MAST4: variants seen among roughly 807,000 people sequenced by gnomAD.
The protein encoded by MAST4 is microtubule-associated serine/threonine-protein kinase 4.
MAST4 carries 89 observed loss-of-function variants against 162.7 expected under a neutral mutation model. The ratio of observed to expected loss-of-function variants is 0.55; its 90% CI spans 0.46 to 0.65. MAST4 has a LOEUF of 0.65. MAST4 is among the 30% of genes least tolerant of loss of function. The pLI is 0.00. For missense variants in MAST4, 3,153 were observed against 3,374.0 expected, an observed-to-expected ratio of 0.93 and a Z score of 1.62; for synonymous variants, 1,479 against 1,361.1, an observed-to-expected ratio of 1.09 and a Z score of -1.91.
intron 4 of MAST4, among the ~76,000 whole-genome samples, chr5:66,900,320 C>A (rs1762929676): frequency 6.6e-6 from 1 of 151,904 alleles, no homozygotes; most frequent in African/African-American, 2.4e-5. Context: ...TTCTGAAATC[C>A]ATAATTTTTC....
At chr5:66,924,736 G>A (rs71594481) in intron 4 of MAST4, among the ~76,000 whole-genome samples, 18,159 of 151,942 alleles carry the variant, frequency 0.12, 1,295 homozygotes, top group Admixed American at 0.15. Flanking sequence ...TCATGTAGGT[G>A]GTCATTTTAG....
chr5:66,748,858 G>A (rs899169457), intron 1 of MAST4, among the ~76,000 whole-genome samples: 1 of 151,594 alleles, frequency 6.6e-6, no homozygotes, highest in African/African-American at 2.4e-5. Context: ...ATGACTGTCA[G>A]CAAAATCAAT....
At chr5:66,711,544 C>T (rs774607492) in intron 1 of MAST4, among the ~76,000 whole-genome samples, 9 of 152,156 alleles carry the variant, frequency 5.9e-5, no homozygotes, top group Admixed American at 3.3e-4. Flanking sequence ...CTTAGAAAGA[C>T]GCTTTTGAGG....
At chr5:66,652,038 G>A (rs1489999382) in intron 1 of MAST4, among the ~76,000 whole-genome samples, 1 of 152,112 alleles carries the variant, frequency 6.6e-6, no homozygotes, top group Admixed American at 6.5e-5. Context: ...TAAGGGGAGG[G>A]GATTACCTAG....
intron 4 of MAST4, among the ~76,000 whole-genome samples, chr5:66,926,335 G>A (rs906939736): frequency 6.6e-5 from 10 of 152,126 alleles, no homozygotes; most frequent in African/African-American, 2.4e-4. Context: ...ATCACCTGAG[G>A]TCAGGAGTTC....
chr5:66,674,537 C>T (rs1747827913), intron 1 of MAST4, among the ~76,000 whole-genome samples: 1 of 152,188 alleles, frequency 6.6e-6, no homozygotes, highest in Non-Finnish European at 1.5e-5. Flanking sequence ...AGATTAGAAA[C>T]ATAAGACAAG....
intron 3 of MAST4, among the ~76,000 whole-genome samples, chr5:66,801,958 G>A (rs1000704005): frequency 2.0e-5 from 3 of 152,122 alleles, no homozygotes; most frequent in Non-Finnish European, 4.4e-5. Context: ...TGGTTCCTTA[G>A]AAATATACTG....
At chr5:66,638,444 C>T (rs1000599265) in intron 1 of MAST4, among the ~76,000 whole-genome samples, 1 of 152,138 alleles carries the variant, frequency 6.6e-6, no homozygotes, top group Non-Finnish European at 1.5e-5. Context: ...GGGTAAGTAT[C>T]CCTTATCTGA....
At chr5:66,788,607 C>CCCAGCAAAAAAAAAA in intron 2 of MAST4, 63 bp from the exon 3 acceptor site, 3 of 1,373,720 alleles carry the variant, frequency 2.2e-6, no homozygotes, top group Non-Finnish European at 3.0e-6. Context: ...CCCCCACCCC[C>CCCAGCAAAAAAAAAA]ATTGCAATAA....
intron 5 of MAST4, among the ~76,000 whole-genome samples, chr5:67,064,093 G>T (rs1581406741): frequency 6.6e-6 from 1 of 152,188 alleles, no homozygotes; most frequent in African/African-American, 2.4e-5. Context: ...ATGTCAGTTG[G>T]AAGCCATTAA....
At chr5:66,840,757 T>C (rs1460780675) in intron 3 of MAST4, among the ~76,000 whole-genome samples, 1 of 152,192 alleles carries the variant, frequency 6.6e-6, no homozygotes, top group Non-Finnish European at 1.5e-5. Flanking sequence ...GCCTGTTTAC[T>C]CTGGGTCCCA....
intron 1 of MAST4, among the ~76,000 whole-genome samples, chr5:66,706,869 TTAA>T (rs1203429612): frequency 3.3e-5 from 5 of 152,208 alleles, no homozygotes; most frequent in African/African-American, 4.8e-5. Flanking sequence ...ATTAGAATGT[TTAA>T]TAATAATAAT....
At chr5:66,919,956 CCT>C (rs1561446234) in intron 4 of MAST4, among the ~76,000 whole-genome samples, 6 of 113,542 alleles carry the variant, frequency 5.3e-5, no homozygotes, top group South Asian at 4.0e-4. Context: ...TTCCTTCCTT[CCT>C]TCCTTCCTTC....
intron 4 of MAST4, among the ~76,000 whole-genome samples, chr5:67,026,309 A>G (rs1754639710): frequency 6.6e-6 from 1 of 152,230 alleles, no homozygotes; most frequent in Non-Finnish European, 1.5e-5. Flanking sequence ...ATGCTTTTAC[A>G]TGCCGTGCCA....
At chr5:66,843,115 C>T (rs898904397) in intron 3 of MAST4, among the ~76,000 whole-genome samples, 6 of 152,034 alleles carry the variant, frequency 3.9e-5, no homozygotes, top group East Asian at 1.9e-4. Flanking sequence ...AAATGGGGAA[C>T]GATTCAAAAC....
intron 3 of MAST4, among the ~76,000 whole-genome samples, chr5:66,879,313 T>C (rs995774400): frequency 2.7e-5 from 4 of 149,012 alleles, no homozygotes; most frequent in Admixed American, 2.0e-4. Flanking sequence ...TGTACTGATA[T>C]ATATATATAT....
At chr5:66,655,182 A>G (rs1254083943) in intron 1 of MAST4, among the ~76,000 whole-genome samples, 1 of 152,182 alleles carries the variant, frequency 6.6e-6, no homozygotes, top group African/African-American at 2.4e-5. Context: ...TTTGGTGTTA[A>G]GTGCTTCATA....
At position 67,165,219 on chromosome 5, in the gene MAST4, A is replaced by T. The variant is rs760334685; in HGVS notation, c.6040A>T (p.Asn2014Tyr). ...ETAKTSDNSK[N>Y]LLSVGRTHPD... ...TGCGAAAACCAGTGACAACTCCAAAAATCTCCTCTCTGTGGGAAGGACCCA... is the reference window on the plus strand; with the variant it reads ...TGCGAAAACCAGTGACAACTCCAAATATCTCCTCTCTGTGGGAAGGACCCA... The change falls in exon 29 of 29, where the codon AAT (asparagine) becomes TAT (tyrosine). Residue 2014 changes from asparagine (N) to tyrosine (Y), a missense_variant. Physicochemically the swap from Asn to Tyr is moderately radical, Grantham distance 143. Coordinates refer to ENST00000403625, the MANE Select transcript of MAST4 (RefSeq NM_001164664.2). 8 of 1,611,552 alleles carry T rather than the reference A, an allele frequency of 5.0e-6. 1 individual carries two copies. In the South Asian group the frequency reaches 8.8e-5, roughly 18 times the overall value.
rs573780671 is a variant in MAST4 at position 66,730,033 on chromosome 5, A to AT, written c.364-29668dup. Among the ~76,000 whole-genome samples, 9 of 151,964 alleles carry AT rather than the reference A, an allele frequency of 5.9e-5. No individual in the cohort carries two copies. The South Asian group carries it at 8.3e-4, about 14-fold the overall frequency. On this transcript the variant is annotated intron_variant, in intron 1 of 28. Transcript: ENST00000403625. ...TGACCAATACGAATGGGATTATTTTATTTTTTTTCTTTTGTCTTAATGTTA... is the reference window on the plus strand; with the variant it reads ...TGACCAATACGAATGGGATTATTTTATTTTTTTTTCTTTTGTCTTAATGTTA...
Sources: allele counts gnomAD v4.1 joint callset (sites outside exome capture counted in the v4.1 genomes callset), GRCh38; gene constraint gnomAD v4.1.1; transcripts MANE v1.5; gene names NCBI Gene and HGNC (gene_info 2026-07-23, HGNC 2026-07-21).